TSPAN16: variants seen among roughly 807,000 people sequenced by gnomAD.
TSPAN16 encodes the protein tetraspanin 16.
In TSPAN16, 23 loss-of-function variants were observed where a neutral mutation model predicts 25.2. The observed-to-expected ratio is 0.91, with a 90% CI of 0.66 to 1.29. The LOEUF is 1.29. TSPAN16 is among the 50% of genes most tolerant of loss of function. The probability of loss-of-function intolerance (pLI) is 0.00; values close to 1 mark genes in which losing one functional copy is unlikely to be tolerated. For synonymous variants in TSPAN16, 123 were observed against 124.4 expected, an observed-to-expected ratio of 0.99 and a Z score of 0.08; for missense variants, 272 against 299.9, an observed-to-expected ratio of 0.91 and a Z score of 0.69.
At chr19:11,315,208 C>T (rs1019061713) in intron 6 of TSPAN16, among the ~76,000 whole-genome samples, 2 of 146,784 alleles carry the variant, frequency 1.4e-5, no homozygotes, top group African/African-American at 5.1e-5. Flanking sequence ...AGCACTCCAA[C>T]CTGGGCAACA....
chr19:11,307,064 T>A (rs1205107454), intron 5 of TSPAN16, among the ~76,000 whole-genome samples: 1 of 151,748 alleles, frequency 6.6e-6, no homozygotes, highest in Non-Finnish European at 1.5e-5. Flanking sequence ...CACCTTGGCC[T>A]CCCAAAGTGC....
chr19:11,302,676 T>TACACACAC (rs1398746421), intron 4 of TSPAN16, among the ~76,000 whole-genome samples: 3 of 128,400 alleles, frequency 2.3e-5, no homozygotes, highest in Admixed American at 2.3e-4. Flanking sequence ...TATATATATA[T>TACACACAC]ATACACACAC....
intron 1 of TSPAN16, among the ~76,000 whole-genome samples, chr19:11,296,910 C>T (rs1237372601): frequency 1.3e-5 from 2 of 151,966 alleles, no homozygotes; most frequent in South Asian, 2.1e-4. Flanking sequence ...CGTGGTGGCA[C>T]GTGCCTATAA....
downstream of TSPAN16, among the ~76,000 whole-genome samples, chr19:11,319,079 G>T (rs540954134): frequency 4.6e-5 from 7 of 152,286 alleles, no homozygotes; most frequent in East Asian, 1.2e-3. Flanking sequence ...ACCCAGAGTT[G>T]GTGTGTGACC....
Position 11,315,944 on chromosome 19 carries a change from T to C in TSPAN16, c.*106T>C, listed in dbSNP as rs929179504. On this transcript the variant is annotated 3_prime_UTR_variant, in exon 7 of 7. Coordinates refer to ENST00000590327, the MANE Select transcript of TSPAN16 (RefSeq NM_001282509.2). ...CTCACTGCTTCTGGAGGGGAGACTG[T>C]TAATAAAAGATTTGGGAACCCCCTG... 3 of 1,229,868 alleles carry C rather than the reference T, an allele frequency of 2.4e-6. No homozygotes were observed. In the African/African-American group the frequency reaches 4.7e-5, roughly 19 times the overall value. The allele number at this position is 1,229,868 out of a possible 1,614,324, so 76.2% of individuals were successfully genotyped here. A position where few individuals can be genotyped will look rare whatever the true frequency, so the allele number is the denominator to read the frequency against.
chr19:11,318,937 G>A (rs778549808), downstream of TSPAN16, among the ~76,000 whole-genome samples: 26 of 152,172 alleles, frequency 1.7e-4, no homozygotes, highest in Non-Finnish European at 1.9e-4. Flanking sequence ...GTAAGCCACT[G>A]CCCCCAGCCA....
chr19:11,298,355 A>G lies in TSPAN16; in HGVS notation c.267+16A>G. 1 of 1,611,998 alleles carries G rather than the reference A, an allele frequency of 6.2e-7. No homozygotes were observed. Among genetic ancestry groups the G allele is most frequent in the Non-Finnish European group, 8.5e-7 (1 of 1,179,058 alleles). ...GCTCTTGTTTGTAAGTTGGATCTGC[A>G]CACAGACCCCAGAACTGCCTCCCCA... is the stretch of plus-strand genomic sequence containing the variant. On this transcript the variant is annotated intron_variant, in intron 2 of 6. Transcript: ENST00000590327.
intron 4 of TSPAN16, among the ~76,000 whole-genome samples, chr19:11,302,570 T>C (rs2080565454): frequency 6.9e-6 from 1 of 144,414 alleles, no homozygotes; most frequent in Non-Finnish European, 1.5e-5. Flanking sequence ...CTAGATTCTA[T>C]GGCAATTCTG....
chr19:11,306,464 G>A (rs1436067961), intron 4 of TSPAN16, 140 bp from the exon 5 acceptor site: 4 of 1,039,026 alleles, frequency 3.8e-6, no homozygotes, highest in Non-Finnish European at 4.2e-6. Context: ...TCTGGGCTGT[G>A]ATGGGATGTT....
At chr19:11,316,744 G>A (rs1236583535), downstream of TSPAN16, among the ~76,000 whole-genome samples, 1 of 151,312 alleles carries the variant, frequency 6.6e-6, no homozygotes, top group African/African-American at 2.4e-5. Context: ...GGGAGACTGA[G>A]GTAGGAGGAT....
intron 4 of TSPAN16, among the ~76,000 whole-genome samples, chr19:11,302,399 T>C (rs188574221): frequency 8.7e-4 from 131 of 150,922 alleles, no homozygotes; most frequent in African/African-American, 3.1e-3. Context: ...CATGGTGGCG[T>C]GTGCCTGTAA....
chr19:11,303,835 G>A (rs1486144958), intron 4 of TSPAN16, among the ~76,000 whole-genome samples: 4 of 151,442 alleles, frequency 2.6e-5, no homozygotes, highest in Non-Finnish European at 4.4e-5. Context: ...CCAAGTTGGA[G>A]TGCAGTGGCG....
chr19:11,319,245 G>T (rs2080763987), downstream of TSPAN16, among the ~76,000 whole-genome samples: 1 of 152,184 alleles, frequency 6.6e-6, no homozygotes, highest in Non-Finnish European at 1.5e-5. Context: ...TTGATAATTT[G>T]CTAGAATGAC....
chr19:11,299,985 GAAAAAAA>G (rs60293071), intron 3 of TSPAN16, among the ~76,000 whole-genome samples: 1 of 107,796 alleles, frequency 9.3e-6, no homozygotes, highest in South Asian at 3.2e-4. Context: ...CTCAAAAAAA[GAAAAAAA>G]AAAAAAAAGA....
intron 4 of TSPAN16, 95 bp from the exon 5 acceptor site, chr19:11,306,509 T>C: frequency 6.9e-7 from 1 of 1,448,676 alleles, no homozygotes; most frequent in Non-Finnish European, 9.6e-7. Context: ...TCTGGGATAT[T>C]GTGACCATAC....
chr19:11,314,559 T>TA (rs1474148486), intron 6 of TSPAN16, among the ~76,000 whole-genome samples: 1 of 152,140 alleles, frequency 6.6e-6, no homozygotes, highest in East Asian at 1.9e-4. Context: ...ATTGAATATG[T>TA]ACTTGTAAAC....
chr19:11,318,785 T>TA (rs1020685267), downstream of TSPAN16, among the ~76,000 whole-genome samples: 1 of 152,028 alleles, frequency 6.6e-6, no homozygotes, highest in Non-Finnish European at 1.5e-5. Flanking sequence ...TAGTTGGAGT[T>TA]ACAGGTGCCC....
intron 6 of TSPAN16, chr19:11,325,451 CT>C: frequency 6.2e-7 from 1 of 1,610,556 alleles, no homozygotes. Flanking sequence ...ACGGCCGGGC[CT>C]TTCCCGTTGC....
intron 6 of TSPAN16, chr19:11,323,923 G>C (rs2080795978): frequency 6.6e-6 from 1 of 152,246 alleles, no homozygotes; most frequent in South Asian, 2.1e-4. Context: ...TTTGGAATCT[G>C]ATGGGCAGAA....
Sources: gnomAD v4.1 joint callset for allele counts (sites outside exome capture counted in the v4.1 genomes callset) on GRCh38, gnomAD v4.1.1 for gene constraint, MANE v1.5 for transcripts, NCBI Gene and HGNC (gene_info 2026-07-23, HGNC 2026-07-21) for gene names.